Variants in PACC1 observed in about 807,000 individuals in gnomAD.
PACC1 encodes the protein proton-activated chloride channel.
In PACC1, 34 loss-of-function variants were observed where a neutral mutation model predicts 39.7. That is an observed-to-expected ratio of 0.86 (90% CI 0.65 to 1.14). The LOEUF is 1.14. PACC1 is among the 50% of genes most tolerant of loss of function. The pLI is 0.00. For synonymous variants in PACC1, 127 were observed against 160.6 expected, an observed-to-expected ratio of 0.79 and a Z score of 1.58; for missense variants, 379 against 436.4, an observed-to-expected ratio of 0.87 and a Z score of 1.17.
chr1:212,365,376 T>TTGG lies in PACC1; in HGVS notation c.892-1_892insCCA (p.Asp297_Ile298insPro). On this transcript the variant is annotated inframe_insertion and splice_region_variant. Transcript: ENST00000261455. ...GTGTTCCAAGGATTGGCAGTGACTA[T>TTGG]CTGTGAAGCAAACAGAAACAAACAG... is the stretch of plus-strand genomic sequence containing the variant. 1 of 1,602,784 alleles carries TTGG rather than the reference T, an allele frequency of 6.2e-7. No individual in the cohort carries two copies. Among genetic ancestry groups the TTGG allele is most frequent in the Non-Finnish European group, 8.5e-7 (1 of 1,176,050 alleles).
At chr1:212,369,661 A>G (rs1379018742) in intron 7 of PACC1, among the ~76,000 whole-genome samples, 1 of 152,098 alleles carries the variant, frequency 6.6e-6, no homozygotes, top group Admixed American at 6.6e-5. Flanking sequence ...CATGCCTGTA[A>G]TCTCAGCTAC....
chr1:212,364,041 A>G lies in PACC1; in HGVS notation c.*1174T>C, dbSNP rs1206976950. The G allele has an allele frequency of 6.6e-6, 1 of 152,250 alleles. No individual in the cohort carries two copies. Among genetic ancestry groups the G allele is most frequent in the Non-Finnish European group, 1.5e-5 (1 of 68,048 alleles). 9.4% of individuals were successfully genotyped at this position (152,250 alleles called of 1,614,324 possible). ...TTTGGATTATCGGAAGCCAGATTAC[A>G]AAATTTAGGAAATGCTACCAAGTCC... is the stretch of plus-strand genomic sequence containing the variant. On this transcript the variant is annotated 3_prime_UTR_variant, in exon 8 of 8. Coordinates refer to ENST00000261455, the MANE Select transcript of PACC1 (RefSeq NM_018252.3).
At chr1:212,371,417 A>ATGAAAAACTATATGCC (rs1660453155) in intron 7 of PACC1, among the ~76,000 whole-genome samples, 1 of 152,072 alleles carries the variant, frequency 6.6e-6, no homozygotes, top group Non-Finnish European at 1.5e-5. Flanking sequence ...TAGAGACTTA[A>ATGAAAAACTATATGCC]TGAAAAACTA....
intron 2 of PACC1, among the ~76,000 whole-genome samples, chr1:212,407,912 T>G (rs1661976494): frequency 6.6e-6 from 1 of 151,888 alleles, no homozygotes; most frequent in Admixed American, 6.6e-5. Flanking sequence ...CCATCTCTAC[T>G]AAAAATAAAA....
chr1:212,387,480 C>T (rs1430152576), intron 2 of PACC1: 1 of 222,226 alleles, frequency 4.5e-6, no homozygotes, highest in African/African-American at 2.3e-5. Context: ...GTGAGCTGGC[C>T]CCAACCTACC....
intron 7 of PACC1, among the ~76,000 whole-genome samples, chr1:212,370,385 C>T (rs1478151979): frequency 2.6e-5 from 4 of 152,190 alleles, no homozygotes; most frequent in Non-Finnish European, 5.9e-5. Context: ...AGGAGAATGG[C>T]GTGAACCCGG....
In PACC1 at chr1:212,371,744, A is replaced by G. The variant is rs1358838511; in HGVS notation, c.891+3449T>C. ...AACAAAAAATGAAAACTACAGGCCG[A>G]TATCTCTGATGAACACAGATGCAAA... is the stretch of plus-strand genomic sequence containing the variant. On this transcript the variant is annotated intron_variant, in intron 7 of 7. Transcript: ENST00000261455. 4.6e-5 allele frequency among the ~76,000 whole-genome samples: 7 copies of G among 152,220 alleles called. No homozygotes were observed. In the East Asian group the frequency reaches 7.7e-4, roughly 17 times the overall value.
At chr1:212,382,010 T>C (rs1011203337) in intron 4 of PACC1, among the ~76,000 whole-genome samples, 2 of 151,850 alleles carry the variant, frequency 1.3e-5, no homozygotes, top group African/African-American at 4.8e-5. Context: ...CTCTGACTAA[T>C]ACACAATTTG....
chr1:212,374,796 T>C (rs1293592291), intron 7 of PACC1, among the ~76,000 whole-genome samples: 1 of 152,214 alleles, frequency 6.6e-6, no homozygotes, highest in East Asian at 1.9e-4. Context: ...AAAGAATAAC[T>C]TGCAACTGCA....
intron 7 of PACC1, among the ~76,000 whole-genome samples, chr1:212,367,466 T>C (rs577000327): frequency 6.6e-6 from 1 of 152,246 alleles, no homozygotes; most frequent in East Asian, 1.9e-4. Context: ...GAAAAGAGTA[T>C]TAGGCCCACC....
chr1:212,389,579 A>C (rs1661231579), intron 2 of PACC1, among the ~76,000 whole-genome samples: 1 of 152,242 alleles, frequency 6.6e-6, no homozygotes, highest in Non-Finnish European at 1.5e-5. Flanking sequence ...AGAAAAAAGC[A>C]ATCTATAGAA....
intron 2 of PACC1, among the ~76,000 whole-genome samples, chr1:212,407,636 G>GTTTGGTAGAGGC (rs1661967302): frequency 1.3e-5 from 2 of 151,936 alleles, no homozygotes; most frequent in African/African-American, 4.8e-5. Context: ...TGTTTTGTGT[G>GTTTGGTAGAGGC]AGTGTTTTTG....
intron 2 of PACC1, among the ~76,000 whole-genome samples, chr1:212,393,020 A>C (rs1386955712): frequency 6.6e-6 from 1 of 152,214 alleles, no homozygotes; most frequent in Non-Finnish European, 1.5e-5. Context: ...AACATTAGAC[A>C]GATCAACAAG....
intron 2 of PACC1, among the ~76,000 whole-genome samples, chr1:212,399,043 TG>T (rs1661620841): frequency 6.6e-6 from 1 of 152,220 alleles, no homozygotes; most frequent in African/African-American, 2.4e-5. Context: ...ATGGTCCAAA[TG>T]GGACCATGGG....
intron 1 of PACC1, chr1:212,413,773 C>A: frequency 9.4e-7 from 1 of 1,058,302 alleles, no homozygotes. Context: ...AGGAATGCTC[C>A]GAGGTGAAGG....
intron 1 of PACC1, among the ~76,000 whole-genome samples, chr1:212,411,837 C>T (rs930212183): frequency 1.3e-5 from 2 of 152,128 alleles, no homozygotes; most frequent in African/African-American, 4.8e-5. Context: ...CCTCGAAGCA[C>T]AAAAGAAAAG....
rs72754320 is a variant in PACC1 at position 212,372,855 on chromosome 1, A to C, written c.891+2338T>G. 5.2e-3 allele frequency among the ~76,000 whole-genome samples: 789 copies of C among 152,328 alleles called. 6 individuals carry two copies. The highest frequency in any genetic ancestry group is 9.0e-3 in the Non-Finnish European group (613 of 68,022). On this transcript the variant is annotated intron_variant, in intron 7 of 7. Transcript: ENST00000261455. ...AAAACTGTAAAAATAGGGATGAAAA[A>C]ATTGAACAGGACACAAAAAATGGAA...
intron 2 of PACC1, among the ~76,000 whole-genome samples, chr1:212,394,534 G>A (rs1661442499): frequency 6.6e-6 from 1 of 152,166 alleles, no homozygotes; most frequent in African/African-American, 2.4e-5. Flanking sequence ...ACAAGACAGG[G>A]ATGCCCTCTC....
At chr1:212,394,224 A>C (rs1571664194) in intron 2 of PACC1, among the ~76,000 whole-genome samples, 1 of 152,198 alleles carries the variant, frequency 6.6e-6, no homozygotes, top group African/African-American at 2.4e-5. Flanking sequence ...CAGCACATCA[A>C]AAAGCTTATC....
Sources: allele counts gnomAD v4.1 joint callset (sites outside exome capture counted in the v4.1 genomes callset), GRCh38; gene constraint gnomAD v4.1.1; transcripts MANE v1.5; gene names NCBI Gene and HGNC (gene_info 2026-07-23, HGNC 2026-07-21).